RP1L1: variants seen among roughly 807,000 people sequenced by gnomAD.
RP1L1 encodes the protein RP1 like 1, also known as retinitis pigmentosa 1-like 1 protein.
RP1L1 carries 27 observed loss-of-function variants against 15.7 expected under a neutral mutation model. The observed-to-expected ratio is 1.72, with a 90% CI of 1.27 to 2.38. The LOEUF (loss-of-function observed/expected upper bound fraction) is 2.38, where lower values mean the gene tolerates loss of function less well. RP1L1 is among the 30% of genes most tolerant of loss of function. The pLI, the probability that RP1L1 is intolerant of heterozygous loss-of-function variation, is 0.00. For missense variants in RP1L1, 4,798 were observed against 3,075.9 expected, an observed-to-expected ratio of 1.56 and a Z score of -13.24; for synonymous variants, 1,813 against 1,276.7, an observed-to-expected ratio of 1.42 and a Z score of -8.96.
intron 1 of RP1L1, among the ~76,000 whole-genome samples, chr8:10,642,498 A>G (rs931662457): frequency 1.3e-5 from 2 of 152,234 alleles, no homozygotes; most frequent in Non-Finnish European, 2.9e-5. Flanking sequence ...TTTTGTTACC[A>G]TAGTGAAACC....
At chr8:10,652,022 C>T (rs571262024) in intron 1 of RP1L1, among the ~76,000 whole-genome samples, 4 of 152,272 alleles carry the variant, frequency 2.6e-5, no homozygotes, top group Admixed American at 2.6e-4. Context: ...GCCTATAGTA[C>T]TCAGTATAGT....
intron 1 of RP1L1, among the ~76,000 whole-genome samples, chr8:10,650,635 C>T (rs1428409023): frequency 6.6e-6 from 1 of 151,626 alleles, no homozygotes; most frequent in Non-Finnish European, 1.5e-5. Context: ...CAGCTCACTG[C>T]TAACCTCTGC....
At chr8:10,624,472 G>A (rs533928275) in intron 1 of RP1L1, among the ~76,000 whole-genome samples, 1 of 152,220 alleles carries the variant, frequency 6.6e-6, no homozygotes, top group Non-Finnish European at 1.5e-5. Context: ...CCTCCTGGAG[G>A]AGGTGATGCA....
chr8:10,611,926 C>A lies in RP1L1; in HGVS notation c.2172G>T (p.Ser724=). Residue 724 remains serine, a synonymous_variant, in exon 4 of 4, where the codon TCG becomes TCT. Transcript: ENST00000382483. ...GAAGGTCCTGGGAAGGAAGAGAGCC[C>A]GAGGAGGGAGGTCTCAGGTTCCCAG... ...QASGNLRPPS[S]GSLPSQDLLG... is the part of the protein sequence containing the mutation. 3 of 1,613,842 alleles carry A rather than the reference C, an allele frequency of 1.9e-6. No homozygotes were observed. Among genetic ancestry groups the A allele is most frequent in the South Asian group, 2.2e-5 (2 of 91,092 alleles).
chr8:10,622,531 G>A (rs1045309758), intron 2 of RP1L1, 62 bp downstream of exon 2: 33 of 1,605,618 alleles, frequency 2.1e-5, no homozygotes, highest in Non-Finnish European at 2.6e-5. Context: ...TCTTCCATGT[G>A]AGTATTTTGA....
Position 10,607,475 on chromosome 8 carries a change from T to A in RP1L1, c.6623A>T (p.Glu2208Val). The A allele has an allele frequency of 6.2e-7, 1 of 1,610,978 alleles. No individual in the cohort carries two copies. Among genetic ancestry groups the A allele is most frequent in the Non-Finnish European group, 8.5e-7 (1 of 1,178,066 alleles). Reference protein sequence around the residue: ...APEAEGEAQPELEGVEAPEAE... With the variant: ...APEAEGEAQPVLEGVEAPEAE... ...CTCCGGGGCCTCTACACCTTCTAAC[T>A]CTGGTTGGGCCTCCCCTTCTGCCTC... The change falls in exon 4 of 4, where the codon GAG becomes GTG. Residue 2208 changes from glutamate to valine, a missense_variant. Physicochemically the swap from Glu to Val is moderately radical, Grantham distance 121. Transcript: ENST00000382483.
chr8:10,644,129 C>A (rs1018654344), intron 1 of RP1L1, among the ~76,000 whole-genome samples: 1 of 152,000 alleles, frequency 6.6e-6, no homozygotes, highest in African/African-American at 2.4e-5. Flanking sequence ...CTGCCCCCTG[C>A]CATCTTAAGC....
rs371202240 is a variant in RP1L1, at chr8:10,606,844, G to A, written c.*51C>T. 61 of 1,611,366 alleles carry A rather than the reference G, an allele frequency of 3.8e-5. 1 individual carries two copies. In the African/African-American group the frequency reaches 8.0e-4, roughly 21 times the overall value. ...TTGCTCAGTTTTGTAGAAAAAATAT[G>A]AATAAAAACAGAGCTCCCAAGCTCG... On this transcript the variant is annotated 3_prime_UTR_variant, in exon 4 of 4. Coordinates refer to ENST00000382483, the MANE Select transcript of RP1L1 (RefSeq NM_178857.6).
chr8:10,615,209 G>A (rs1441005580), intron 3 of RP1L1, among the ~76,000 whole-genome samples: 1 of 152,194 alleles, frequency 6.6e-6, no homozygotes, highest in Admixed American at 6.5e-5. Flanking sequence ...TGATCACTGA[G>A]CCTGTGCTTG....
intron 2 of RP1L1, chr8:10,620,978 G>A (rs1194327435): frequency 6.6e-6 from 1 of 152,262 alleles, no homozygotes; most frequent in African/African-American, 2.4e-5. Context: ...AACAGGGAGT[G>A]GAGAGTGGAA....
intron 1 of RP1L1, among the ~76,000 whole-genome samples, chr8:10,651,367 G>T (rs190131206): frequency 6.6e-6 from 1 of 152,216 alleles, no homozygotes; most frequent in Non-Finnish European, 1.5e-5. Flanking sequence ...TGAATCTGGG[G>T]CCTTGGTCAA....
At chr8:10,633,988 G>T (rs1207805836) in intron 1 of RP1L1, among the ~76,000 whole-genome samples, 1 of 152,098 alleles carries the variant, frequency 6.6e-6, no homozygotes, top group Non-Finnish European at 1.5e-5. Flanking sequence ...AAGGGTGCCC[G>T]AGGGCCTGAC....
In RP1L1 at chr8:10,611,182, T is replaced by C. The variant is rs1797844445; in HGVS notation, c.2916A>G (p.Thr972=). Residue 972 remains threonine (T), a synonymous_variant, in exon 4 of 4, where the codon ACA becomes ACG. Transcript: ENST00000382483. ...DNIPEEPILM[T]YELADETTGA... is the part of the protein sequence containing the mutation. ...CTGTGGTCTCGTCCGCCAACTCATA[T>C]GTCATGAGTATGGGCTCTTCTGGAA... 6.2e-7 allele frequency: 1 copy of C among 1,612,852 alleles called. No individual in the cohort carries two copies. Among genetic ancestry groups the C allele is most frequent in the Non-Finnish European group, 8.5e-7 (1 of 1,180,028 alleles).
At chr8:10,635,291 A>T (rs1008697267) in intron 1 of RP1L1, among the ~76,000 whole-genome samples, 3 of 138,512 alleles carry the variant, frequency 2.2e-5, no homozygotes, top group Admixed American at 2.1e-4. Flanking sequence ...TAATTCTATC[A>T]CCTTCTCTAA....
Position 10,613,049 on chromosome 8 carries a change from G to A in RP1L1, c.1049C>T (p.Thr350Met), listed in dbSNP as rs774530821. The A allele has an allele frequency of 7.7e-5, 124 of 1,613,470 alleles. No individual in the cohort carries two copies. The South Asian group carries it at 8.3e-4, about 11-fold the overall frequency. ...AACGGGGTCTTCCCCACTGGCTGCC[G>A]TGAGGGCGCTGGCCCTGCCCATCCT... is the stretch of plus-strand genomic sequence containing the variant. ...SRRMGRASAL[T>M]AASGEDPVLG... The change falls in exon 4 of 4, where the codon ACG (threonine) becomes ATG (methionine). Residue 350 changes from threonine (T) to methionine (M), a missense_variant. Thr to Met is a moderately conservative substitution (Grantham distance 81). Transcript: ENST00000382483.
At chr8:10,633,997 A>G (rs112557267) in intron 1 of RP1L1, among the ~76,000 whole-genome samples, 4,808 of 152,208 alleles carry the variant, frequency 0.032, 248 homozygotes, top group African/African-American at 0.11. Context: ...CGAGGGCCTG[A>G]CCAGGAGGCT....
chr8:10,636,184 G>A (rs895846446), intron 1 of RP1L1, among the ~76,000 whole-genome samples: 4 of 152,216 alleles, frequency 2.6e-5, no homozygotes, highest in Admixed American at 6.5e-5. Context: ...CCTTGCCATC[G>A]CTCAGACTTT....
chr8:10,638,783 C>T (rs7823164), intron 1 of RP1L1, among the ~76,000 whole-genome samples: 1,545 of 152,110 alleles, frequency 0.01, 20 homozygotes, highest in African/African-American at 0.035. Context: ...CATTTGCTGC[C>T]CAGTGGATCA....
chr8:10,606,449 G>C lies in RP1L1; in HGVS notation c.*446C>G, dbSNP rs1358560854. On this transcript the variant is annotated 3_prime_UTR_variant, in exon 4 of 4. Coordinates refer to ENST00000382483, the MANE Select transcript of RP1L1 (RefSeq NM_178857.6). The stretch of plus-strand genomic sequence containing the variant: ...AAATATATTCAAGACTAGAAAAAAA[G>C]CACCTCAAAGTCAAATGAGGTGAGT... The C allele has an allele frequency of 5.9e-6, 1 of 169,580 alleles. No homozygotes were observed. The highest frequency in any genetic ancestry group is 1.3e-5 in the Non-Finnish European group (1 of 78,548). 10.5% of individuals were successfully genotyped at this position (169,580 alleles called of 1,614,324 possible).
Sources: allele counts gnomAD v4.1 joint callset (sites outside exome capture counted in the v4.1 genomes callset), GRCh38; gene constraint gnomAD v4.1.1; transcripts MANE v1.5; gene names NCBI Gene and HGNC (gene_info 2026-07-23, HGNC 2026-07-21).